Variants in SEMA3A observed in about 807,000 individuals in gnomAD.
SEMA3A encodes the protein semaphorin 3A.
Under a neutral mutation model 97.9 loss-of-function variants are expected in SEMA3A, and 29 were observed. The observed-to-expected ratio is 0.30, with a 90% CI of 0.22 to 0.40. The LOEUF (loss-of-function observed/expected upper bound fraction) is 0.40, where lower values mean the gene tolerates loss of function less well. SEMA3A is among the 10% of genes least tolerant of loss of function. The probability of loss-of-function intolerance (pLI) is 1.00; values close to 1 mark genes in which losing one functional copy is unlikely to be tolerated. For synonymous variants in SEMA3A, 321 were observed against 323.7 expected, an observed-to-expected ratio of 0.99 and a Z score of 0.09; for missense variants, 763 against 951.3, an observed-to-expected ratio of 0.80 and a Z score of 2.60.
At position 84,094,160 on chromosome 7, in the gene SEMA3A, A is replaced by C. The variant is rs75964685; in HGVS notation, c.453+16310T>G. Among the ~76,000 whole-genome samples, 197 of 152,120 alleles carry C rather than the reference A, an allele frequency of 1.3e-3. 1 individual carries two copies. The East Asian group carries it at 0.017, about 13-fold the overall frequency. On this transcript the variant is annotated intron_variant, in intron 4 of 16. Transcript: ENST00000265362. ...GAGTGGGATGTCAATTAAGATTGTT[A>C]TTTCACGAAAAGGAACCATATGCCT...
At chr7:84,463,237 CTTTTTTT>C (rs59465422) in intron 1 of SEMA3A, among the ~76,000 whole-genome samples, 23 of 71,368 alleles carry the variant, frequency 3.2e-4, no homozygotes, top group African/African-American at 1.2e-3. Context: ...TGTAACTATT[CTTTTTTT>C]TTTTTTTTTT....
chr7:84,472,826 C>T (rs976065372), intron 1 of SEMA3A, among the ~76,000 whole-genome samples: 1 of 152,040 alleles, frequency 6.6e-6, no homozygotes, highest in African/African-American at 2.4e-5. Flanking sequence ...GGAAAAATAA[C>T]ATTCAAACAA....
chr7:84,080,053 G>A (rs1488252071), intron 4 of SEMA3A, among the ~76,000 whole-genome samples: 2 of 144,422 alleles, frequency 1.4e-5, no homozygotes, highest in Non-Finnish European at 3.0e-5. Context: ...GTCCTTTGTA[G>A]GGACATGGAT....
At chr7:84,347,392 A>G (rs985396443) in intron 2 of SEMA3A, among the ~76,000 whole-genome samples, 1 of 151,652 alleles carries the variant, frequency 6.6e-6, no homozygotes, top group Non-Finnish European at 1.5e-5. Flanking sequence ...TACATGCAAC[A>G]AGAATGATTC....
intron 4 of SEMA3A, among the ~76,000 whole-genome samples, chr7:84,069,669 A>G (rs920158510): frequency 2.6e-5 from 4 of 152,154 alleles, no homozygotes; most frequent in African/African-American, 9.6e-5. Flanking sequence ...ACATTCTTTC[A>G]AAAGGAATAT....
At chr7:84,357,012 T>G (rs1042637966) in intron 2 of SEMA3A, among the ~76,000 whole-genome samples, 2 of 151,826 alleles carry the variant, frequency 1.3e-5, no homozygotes, top group Non-Finnish European at 2.9e-5. Flanking sequence ...AAAGCAGCTA[T>G]AGTATCAATA....
intron 6 of SEMA3A, among the ~76,000 whole-genome samples, chr7:84,021,369 A>C (rs925127045): frequency 1.3e-5 from 2 of 152,178 alleles, no homozygotes; most frequent in African/African-American, 4.8e-5. Context: ...CATTTGCCCT[A>C]TATTTCTCCC....
chr7:84,296,480 C>A (rs1217414095), intron 3 of SEMA3A, among the ~76,000 whole-genome samples: 1 of 152,082 alleles, frequency 6.6e-6, no homozygotes, highest in Non-Finnish European at 1.5e-5. Flanking sequence ...GGTCTCATTG[C>A]TTTCTTGAAT....
intron 5 of SEMA3A, among the ~76,000 whole-genome samples, chr7:84,054,674 T>G (rs1792867678): frequency 7.1e-6 from 1 of 140,706 alleles, no homozygotes; most frequent in Admixed American, 7.4e-5. Flanking sequence ...TCAGAGTAAT[T>G]TGATCGTCTG....
chr7:84,099,654 T>C (rs1319654278), intron 4 of SEMA3A, among the ~76,000 whole-genome samples: 1 of 152,188 alleles, frequency 6.6e-6, no homozygotes, highest in Non-Finnish European at 1.5e-5. Context: ...ATAAACGCTT[T>C]TTTTAATGAG....
chr7:84,059,040 G>A (rs752885659), intron 5 of SEMA3A, among the ~76,000 whole-genome samples: 15 of 151,916 alleles, frequency 9.9e-5, no homozygotes, highest in Non-Finnish European at 2.1e-4. Flanking sequence ...TTAGCATACT[G>A]CTTTTTAAGG....
At chr7:84,108,800 G>A (rs971105878) in intron 4 of SEMA3A, among the ~76,000 whole-genome samples, 1 of 151,860 alleles carries the variant, frequency 6.6e-6, no homozygotes, top group African/African-American at 2.4e-5. Context: ...AGCTACTTGG[G>A]AGGCTGAGAC....
intron 1 of SEMA3A, among the ~76,000 whole-genome samples, chr7:84,188,981 C>A (rs954364430): frequency 2.0e-5 from 3 of 151,782 alleles, no homozygotes; most frequent in African/African-American, 7.2e-5. Flanking sequence ...CCCTAGTAGC[C>A]TGCCCATTTC....
intron 3 of SEMA3A, among the ~76,000 whole-genome samples, chr7:84,277,193 C>T (rs942533227): frequency 9.2e-5 from 14 of 152,050 alleles, no homozygotes; most frequent in African/African-American, 3.4e-4. Flanking sequence ...GCCTTTTAAT[C>T]TTTTCCTTCC....
At chr7:83,975,993 A>G (rs879936604) in intron 15 of SEMA3A, among the ~76,000 whole-genome samples, 10 of 152,156 alleles carry the variant, frequency 6.6e-5, no homozygotes, top group Admixed American at 1.3e-4. Flanking sequence ...TATAGTAAAG[A>G]TAATCACAGA....
chr7:84,194,620 G>T lies in SEMA3A; in HGVS notation c.-34C>A. On this transcript the variant is annotated 5_prime_UTR_variant, in exon 1 of 17. Coordinates refer to ENST00000265362, the MANE Select transcript of SEMA3A (RefSeq NM_006080.3). ...CGCTGTAGGTCCCTTTGCTGCTTTAGTCTTCCTTCCTGTATTGTGCGGCCA... is the reference window on the plus strand; with the variant it reads ...CGCTGTAGGTCCCTTTGCTGCTTTATTCTTCCTTCCTGTATTGTGCGGCCA... 2 of 1,332,102 alleles carry T rather than the reference G, an allele frequency of 1.5e-6. No homozygotes were observed. The highest frequency in any genetic ancestry group is 1.2e-5 in the South Asian group (1 of 84,986). 82.5% of individuals were successfully genotyped at this position (1,332,102 alleles called of 1,614,324 possible). A position where few individuals can be genotyped will look rare whatever the true frequency, so the allele number is the denominator to read the frequency against.
At chr7:84,167,544 A>G (rs979408044) in intron 1 of SEMA3A, among the ~76,000 whole-genome samples, 1 of 152,218 alleles carries the variant, frequency 6.6e-6, no homozygotes, top group African/African-American at 2.4e-5. Flanking sequence ...TATGGCAAAC[A>G]TCCAGACACA....
intron 15 of SEMA3A, among the ~76,000 whole-genome samples, chr7:83,964,837 A>AT (rs747823715): frequency 3.3e-5 from 5 of 152,166 alleles, no homozygotes; most frequent in African/African-American, 7.2e-5. Context: ...GCCAATATCT[A>AT]TATTGTATAG....
chr7:84,068,128 A>G (rs1356305646), intron 4 of SEMA3A, among the ~76,000 whole-genome samples: 3 of 135,908 alleles, frequency 2.2e-5, no homozygotes, highest in African/African-American at 9.3e-5. Flanking sequence ...TTGTAGGGAC[A>G]TGGATGAAAT....
Sources: allele counts gnomAD v4.1 joint callset (sites outside exome capture counted in the v4.1 genomes callset), GRCh38; gene constraint gnomAD v4.1.1; transcripts MANE v1.5; gene names NCBI Gene and HGNC (gene_info 2026-07-23, HGNC 2026-07-21).